TMEM108: variants seen among roughly 807,000 people sequenced by gnomAD.
The protein encoded by TMEM108 is cancer/testis antigen 124.
In TMEM108, 12 loss-of-function variants were observed where a neutral mutation model predicts 35.1. The ratio of observed to expected loss-of-function variants is 0.34; its 90% confidence interval spans 0.22 to 0.55. The LOEUF (loss-of-function observed/expected upper bound fraction) is 0.55, where lower values mean the gene tolerates loss of function less well. TMEM108 is among the 20% of genes least tolerant of loss of function. The probability of loss-of-function intolerance (pLI) is 0.89; values close to 1 mark genes in which losing one functional copy is unlikely to be tolerated. For missense variants in TMEM108, 680 were observed against 753.3 expected (o/e 0.90, Z 1.14); for synonymous variants, 287 against 308.6 (o/e 0.93, Z 0.73).
intron 3 of TMEM108, among the ~76,000 whole-genome samples, chr3:133,331,888 C>G (rs1476140917): frequency 6.6e-6 from 1 of 152,160 alleles, no homozygotes; most frequent in East Asian, 1.9e-4. Context: ...AATTTTCTGG[C>G]TACAGGGTTT....
chr3:133,055,809 G>A (rs1943459076), intron 2 of TMEM108, among the ~76,000 whole-genome samples: 1 of 152,152 alleles, frequency 6.6e-6, no homozygotes, highest in African/African-American at 2.4e-5. Flanking sequence ...AGGCAGACAG[G>A]GAGGAATATG....
rs150844647 is a variant in TMEM108, at chr3:133,375,363, T to A, written c.41-4389T>A. On this transcript the variant is annotated intron_variant, in intron 3 of 5. Coordinates refer to ENST00000321871, the MANE Select transcript of TMEM108 (RefSeq NM_023943.4). Reference sequence around the variant, plus strand: ...TGTAGATTCCACCCCACAACAATTGTCCATATTCAGACACGTTTTAAAAAT... The same window carrying A: ...TGTAGATTCCACCCCACAACAATTGACCATATTCAGACACGTTTTAAAAAT... 4.9e-3 allele frequency among the ~76,000 whole-genome samples: 741 copies of A among 152,282 alleles called. 6 individuals are homozygous for A. Among genetic ancestry groups the A allele is most frequent in the African/African-American group, 0.017 (706 of 41,546 alleles).
At chr3:133,357,596 A>G (rs1045594761) in intron 3 of TMEM108, among the ~76,000 whole-genome samples, 8 of 152,252 alleles carry the variant, frequency 5.3e-5, no homozygotes, top group African/African-American at 1.9e-4. Flanking sequence ...CTACTCAGCC[A>G]TAAAAAGAAA....
At chr3:133,171,130 A>T (rs1945124289) in intron 2 of TMEM108, among the ~76,000 whole-genome samples, 1 of 152,124 alleles carries the variant, frequency 6.6e-6, no homozygotes. Flanking sequence ...ATAGATGGTG[A>T]TGGTGATGAC....
chr3:133,363,871 A>G (rs2072428909), intron 3 of TMEM108, among the ~76,000 whole-genome samples: 1 of 152,254 alleles, frequency 6.6e-6, no homozygotes, highest in Non-Finnish European at 1.5e-5. Context: ...TACAAAAATT[A>G]ATGGAATATT....
chr3:133,203,634 C>T (rs1051200135), intron 2 of TMEM108, among the ~76,000 whole-genome samples: 9 of 152,056 alleles, frequency 5.9e-5, no homozygotes, highest in African/African-American at 1.2e-4. Flanking sequence ...CTTGCATCCC[C>T]GGGATGAAGC....
chr3:133,095,935 G>A (rs1944007214), intron 2 of TMEM108, among the ~76,000 whole-genome samples: 1 of 152,188 alleles, frequency 6.6e-6, no homozygotes, highest in Admixed American at 6.5e-5. Context: ...GTTGACAGCT[G>A]CCATCTCTTT....
chr3:133,391,466 C>T (rs966372807), intron 5 of TMEM108, among the ~76,000 whole-genome samples: 17 of 152,132 alleles, frequency 1.1e-4, no homozygotes, highest in African/African-American at 3.9e-4. Context: ...GTGGTCACAT[C>T]GCTCACATGC....
At chr3:133,245,635 T>G (rs1205862743) in intron 3 of TMEM108, among the ~76,000 whole-genome samples, 2 of 152,238 alleles carry the variant, frequency 1.3e-5, no homozygotes, top group African/African-American at 4.8e-5. Context: ...GAACAATGCC[T>G]GGCACATGGG....
chr3:133,272,780 C>A (rs553548042), intron 3 of TMEM108, among the ~76,000 whole-genome samples: 3 of 152,310 alleles, frequency 2.0e-5, no homozygotes, highest in Admixed American at 1.3e-4. Context: ...TGAACCTGAT[C>A]TTCTCAGCCA....
intron 3 of TMEM108, among the ~76,000 whole-genome samples, chr3:133,257,900 A>C (rs16840103): frequency 0.017 from 2,532 of 152,280 alleles, 89 homozygotes; most frequent in African/African-American, 0.058. Context: ...GAGGCCCAGA[A>C]AATTTTTGCT....
intron 3 of TMEM108, among the ~76,000 whole-genome samples, chr3:133,232,725 G>A (rs1946171653): frequency 6.6e-6 from 1 of 152,198 alleles, no homozygotes; most frequent in Non-Finnish European, 1.5e-5. Context: ...TGTTACAACT[G>A]ACTATCTCTG....
chr3:133,386,648 C>A, intron 4 of TMEM108: 1 of 1,415,816 alleles, frequency 7.1e-7, no homozygotes, highest in South Asian at 1.6e-5. Context: ...TTGATGGCTA[C>A]TGCCTCAGGA....
intron 2 of TMEM108, among the ~76,000 whole-genome samples, chr3:133,179,698 C>T (rs1945300699): frequency 6.6e-6 from 1 of 151,902 alleles, no homozygotes; most frequent in Admixed American, 6.6e-5. Flanking sequence ...GGAGATATAC[C>T]TAATGTTAAA....
chr3:133,039,821 A>G (rs1943251308), intron 1 of TMEM108, among the ~76,000 whole-genome samples: 1 of 152,182 alleles, frequency 6.6e-6, no homozygotes, highest in Admixed American at 6.5e-5. Flanking sequence ...AAAGCCCTTT[A>G]TAGCTCTTAC....
chr3:133,317,668 AAAT>A lies in TMEM108; in HGVS notation c.41-62078_41-62076del, dbSNP rs536368529. On this transcript the variant is annotated intron_variant, in intron 3 of 5. Transcript: ENST00000321871. Reference sequence around the variant, plus strand: ...AGATGTTATATGGTGTGAATGCCCCAAATAATAAGAACCAAAAGGGTCTATTTT... The same window carrying A: ...AGATGTTATATGGTGTGAATGCCCCAAATAAGAACCAAAAGGGTCTATTTT... Among the ~76,000 whole-genome samples, 22 of 152,310 alleles carry A rather than the reference AAAT, an allele frequency of 1.4e-4. No homozygotes were observed. In the South Asian group the frequency reaches 3.5e-3, roughly 24 times the overall value.
intron 3 of TMEM108, among the ~76,000 whole-genome samples, chr3:133,327,525 C>A (rs1383938067): frequency 6.6e-6 from 1 of 152,126 alleles, no homozygotes; most frequent in Non-Finnish European, 1.5e-5. Context: ...ATAGGAGCCC[C>A]CCAGAAAATG....
At chr3:133,235,158 G>A (rs998201144) in intron 3 of TMEM108, among the ~76,000 whole-genome samples, 6 of 152,248 alleles carry the variant, frequency 3.9e-5, no homozygotes, top group South Asian at 2.1e-4. Flanking sequence ...AATCAATGTC[G>A]TGAAAATGGC....
intron 2 of TMEM108, among the ~76,000 whole-genome samples, chr3:133,056,568 C>G (rs1943468521): frequency 6.6e-6 from 1 of 152,158 alleles, no homozygotes; most frequent in South Asian, 2.1e-4. Context: ...TACGTGCTTG[C>G]TGATGAAGTT....
Sources: allele counts gnomAD v4.1 joint callset (sites outside exome capture counted in the v4.1 genomes callset), GRCh38; gene constraint gnomAD v4.1.1; transcripts MANE v1.5; gene names NCBI Gene and HGNC (gene_info 2026-07-23, HGNC 2026-07-21).